Variants in PAM observed in about 807,000 individuals in gnomAD.
PAM encodes peptidyl-glycine alpha-amidating monooxygenase.
Under a neutral mutation model 122.1 loss-of-function variants are expected in PAM, and 72 were observed. The observed-to-expected ratio is 0.59, with a 90% CI of 0.49 to 0.72. The LOEUF is 0.72. PAM is among the 30% of genes least tolerant of loss of function. The probability of loss-of-function intolerance (pLI) is 0.00; values close to 1 mark genes in which losing one functional copy is unlikely to be tolerated. For missense variants in PAM, 1,106 were observed against 1,183.7 expected, an observed-to-expected ratio of 0.93 and a Z score of 0.96; for synonymous variants, 389 against 404.4, an observed-to-expected ratio of 0.96 and a Z score of 0.46.
chr5:103,007,593 A>G lies in PAM; in HGVS notation c.2151A>G (p.Glu717=). The change falls in exon 20 of 26, where the codon GAA becomes GAG. Residue 717 remains glutamate, a synonymous_variant. Transcript: ENST00000438793. ...RIQCFKTDTK[E]FVREIKHSSF... is the part of the protein sequence containing the mutation. ...AGTGTTTTAAAACTGACACCAAAGA[A>G]TTTGTGAGAGAGATTAAGCATTCAT... The G allele has an allele frequency of 6.2e-7, 1 of 1,613,764 alleles. No individual in the cohort carries two copies. The highest frequency in any genetic ancestry group is 8.5e-7 in the Non-Finnish European group (1 of 1,179,700).
At position 102,786,902 on chromosome 5, in the gene PAM, A is replaced by G. The variant is rs368788503; in HGVS notation, c.-374+31554A>G. 1.2e-4 allele frequency among the ~76,000 whole-genome samples: 19 copies of G among 152,290 alleles called. No individual in the cohort carries two copies. The South Asian group carries it at 3.9e-3, about 32-fold the overall frequency. Reference sequence around the variant, plus strand: ...GTTATAAATAAGATAACTACCAAGCAAAGGCTGATTATAATTAATAATAAT... The same window carrying G: ...GTTATAAATAAGATAACTACCAAGCGAAGGCTGATTATAATTAATAATAAT... On this transcript the variant is annotated intron_variant, in intron 1 of 25. Transcript: ENST00000438793.
At chr5:102,789,612 G>A (rs1761515400) in intron 1 of PAM, among the ~76,000 whole-genome samples, 1 of 152,096 alleles carries the variant, frequency 6.6e-6, no homozygotes, top group Non-Finnish European at 1.5e-5. Context: ...AAGATAGAAT[G>A]CTAGTTGCTC....
intron 1 of PAM, among the ~76,000 whole-genome samples, chr5:102,861,171 A>C (rs1784074160): frequency 6.6e-6 from 1 of 152,188 alleles, no homozygotes; most frequent in Admixed American, 6.5e-5. Flanking sequence ...AGCTCCAGTC[A>C]AGCCTTCAGA....
At chr5:102,758,755 G>A (rs1751409163) in intron 1 of PAM, among the ~76,000 whole-genome samples, 1 of 152,162 alleles carries the variant, frequency 6.6e-6, no homozygotes, top group Non-Finnish European at 1.5e-5. Context: ...GCTAATCCAT[G>A]TGTGGTTCTT....
chr5:102,972,613 T>G (rs1160769670), intron 14 of PAM, among the ~76,000 whole-genome samples: 5 of 152,222 alleles, frequency 3.3e-5, no homozygotes, highest in South Asian at 2.1e-4. Flanking sequence ...TATCTCTCCC[T>G]GAAATACTCT....
At chr5:102,989,498 C>A (rs1773306203) in intron 15 of PAM, among the ~76,000 whole-genome samples, 1 of 152,056 alleles carries the variant, frequency 6.6e-6, no homozygotes, top group Non-Finnish European at 1.5e-5. Flanking sequence ...CAGAGTGAGA[C>A]CCTGTCTCAA....
chr5:102,950,416 G>GGTGTGTGT (rs1554134180), intron 11 of PAM, among the ~76,000 whole-genome samples: 1 of 146,062 alleles, frequency 6.8e-6, no homozygotes, highest in African/African-American at 2.6e-5. Flanking sequence ...TATGTGGGTG[G>GGTGTGTGT]GTGTGTGTGT....
intron 1 of PAM, among the ~76,000 whole-genome samples, chr5:102,791,606 C>A (rs1286614167): frequency 6.6e-6 from 1 of 151,970 alleles, no homozygotes; most frequent in African/African-American, 2.4e-5. Flanking sequence ...CCAGCAGATT[C>A]TTCTGTTTTC....
chr5:102,991,570 A>T (rs768635041), intron 16 of PAM, among the ~76,000 whole-genome samples: 11 of 152,166 alleles, frequency 7.2e-5, no homozygotes, highest in African/African-American at 2.4e-4. Context: ...TCTGTCACGT[A>T]TGCATATGTC....
intron 1 of PAM, among the ~76,000 whole-genome samples, chr5:102,778,005 G>A (rs1435692865): frequency 1.3e-5 from 2 of 152,148 alleles, no homozygotes; most frequent in African/African-American, 4.8e-5. Context: ...AGGCGGAATT[G>A]TGGAAAACAC....
chr5:102,861,686 A>T (rs1784230362), intron 1 of PAM, among the ~76,000 whole-genome samples: 2 of 152,176 alleles, frequency 1.3e-5, no homozygotes, highest in South Asian at 4.1e-4. Flanking sequence ...TGATGATTTT[A>T]TTGAGGTTAT....
At chr5:102,985,430 T>G (rs1194899971) in intron 15 of PAM, among the ~76,000 whole-genome samples, 1 of 151,946 alleles carries the variant, frequency 6.6e-6, no homozygotes, top group African/African-American at 2.4e-5. Flanking sequence ...GATATACTGA[T>G]TTCTGTATGA....
intron 1 of PAM, among the ~76,000 whole-genome samples, chr5:102,761,807 T>C (rs1217069927): frequency 6.6e-6 from 1 of 152,266 alleles, no homozygotes; most frequent in Admixed American, 6.5e-5. Context: ...AATAGCATGA[T>C]AATTGTTGCA....
At position 102,990,323 on chromosome 5, in the gene PAM, G is replaced by C. The variant is rs567819958; in HGVS notation, c.1535G>C (p.Gly512Ala). The C allele has an allele frequency of 5.0e-6, 8 of 1,608,772 alleles. No individual in the cohort carries two copies. Among genetic ancestry groups the C allele is most frequent in the Non-Finnish European group, 5.1e-6 (6 of 1,176,294 alleles). ...TGGCCTGGAGTATACTTGTTACCAG[G>C]CCAGGTTTCTGGGGTGGCTCTAGAC... ...LDWPGVYLLP[G>A]QVSGVALDPK... Residue 512 changes from glycine to alanine, a missense_variant, in exon 16 of 26, where the codon GGC becomes GCC. This residue lies in a region of PAM where 670 missense variants were observed against 690.3 expected (regional missense o/e 0.97). Transcript: ENST00000438793.
intron 15 of PAM, among the ~76,000 whole-genome samples, chr5:102,982,173 G>A (rs1024121136): frequency 6.6e-6 from 1 of 152,090 alleles, no homozygotes; most frequent in Non-Finnish European, 1.5e-5. Context: ...CCTCCCAGGG[G>A]TCTAAGGATG....
At chr5:102,997,233 AT>A (rs1265437509) in intron 16 of PAM, among the ~76,000 whole-genome samples, 8 of 152,048 alleles carry the variant, frequency 5.3e-5, no homozygotes, top group African/African-American at 1.2e-4. Flanking sequence ...TTGCAAGACA[AT>A]TTTTTTTAAG....
chr5:102,955,293 G>A (rs1582136610), intron 12 of PAM, among the ~76,000 whole-genome samples: 1 of 151,892 alleles, frequency 6.6e-6, no homozygotes, highest in East Asian at 1.9e-4. Flanking sequence ...TTTAATAAAA[G>A]CTCTCATGGA....
At position 102,866,101 on chromosome 5, in the gene PAM, G is replaced by A; in HGVS notation, c.-95G>A. The A allele has an allele frequency of 5.4e-6, 4 of 740,710 alleles. No individual in the cohort carries two copies. In the Admixed American group the frequency reaches 7.4e-5, roughly 14 times the overall value. The allele number at this position is 740,710 out of a possible 1,614,324, so 45.9% of individuals were successfully genotyped here. ...ACGCCCGCCGTGCCCGGGCCATGAAGTAGCGGCTGCTGGCGGCGCCGCTGC... is the reference window on the plus strand; with the variant it reads ...ACGCCCGCCGTGCCCGGGCCATGAAATAGCGGCTGCTGGCGGCGCCGCTGC... On this transcript the variant is annotated 5_prime_UTR_variant, in exon 2 of 26. Coordinates refer to ENST00000438793, the MANE Select transcript of PAM (RefSeq NM_001177306.2).
At chr5:102,894,646 C>T (rs1278471671) in intron 3 of PAM, among the ~76,000 whole-genome samples, 1 of 151,718 alleles carries the variant, frequency 6.6e-6, no homozygotes, top group Non-Finnish European at 1.5e-5. Flanking sequence ...GCCCCTTTGA[C>T]ATTTACAGAT....
Sources: gnomAD v4.1 joint callset for allele counts (sites outside exome capture counted in the v4.1 genomes callset) on GRCh38, gnomAD v4.1.1 for gene constraint, gnomAD v4.1.1 regional missense constraint, MANE v1.5 for transcripts, NCBI Gene and HGNC (gene_info 2026-07-23, HGNC 2026-07-21) for gene names.